MRAP2: variants seen among roughly 807,000 people sequenced by gnomAD.
MRAP2 encodes the protein melanocortin 2 receptor accessory protein 2.
Under a neutral mutation model 17.4 loss-of-function variants are expected in MRAP2, and 20 were observed. The observed-to-expected ratio is 1.15, with a 90% confidence interval of 0.81 to 1.67. The LOEUF (loss-of-function observed/expected upper bound fraction) is 1.67, where lower values mean the gene tolerates loss of function less well. Among genes scored for constraint, MRAP2 ranks in the 40% most tolerant of loss-of-function variants. MRAP2 has a pLI of 0.00. For missense variants in MRAP2, 238 were observed against 240.0 expected (o/e 0.99, Z 0.05); for synonymous variants, 96 against 88.4 (o/e 1.09, Z -0.48).
chr6:84,073,419 C>T (rs761812058), intron 3 of MRAP2, among the ~76,000 whole-genome samples: 1 of 152,194 alleles, frequency 6.6e-6, no homozygotes, highest in Non-Finnish European at 1.5e-5. Context: ...AGTTGGGGCA[C>T]CCACAGTATT....
At chr6:84,080,256 T>C (rs1001498726) in intron 3 of MRAP2, among the ~76,000 whole-genome samples, 2 of 152,044 alleles carry the variant, frequency 1.3e-5, no homozygotes, top group African/African-American at 4.8e-5. Flanking sequence ...CAGGATGGTC[T>C]GGATCTCCTG....
intron 3 of MRAP2, among the ~76,000 whole-genome samples, chr6:84,064,722 C>A (rs1044112221): frequency 6.6e-6 from 1 of 152,168 alleles, no homozygotes; most frequent in Non-Finnish European, 1.5e-5. Flanking sequence ...CTGCTGACTT[C>A]GTGATCCGCC....
At chr6:84,043,458 G>A (rs1031205665) in intron 1 of MRAP2, among the ~76,000 whole-genome samples, 3 of 152,194 alleles carry the variant, frequency 2.0e-5, no homozygotes, top group African/African-American at 4.8e-5. Context: ...GGGTAGACAG[G>A]AATCTGGAAA....
At chr6:84,081,426 G>C (rs1185172222) in intron 3 of MRAP2, among the ~76,000 whole-genome samples, 1 of 152,190 alleles carries the variant, frequency 6.6e-6, no homozygotes, top group East Asian at 1.9e-4. Context: ...ATTGTCATGG[G>C]AGGAACCTGG....
chr6:84,127,103 C>T, the MRAP2 span, among the ~76,000 whole-genome samples: 3 of 152,120 alleles, frequency 2.0e-5, no homozygotes, highest in African/African-American at 7.2e-5. Flanking sequence ...ATTAAAGACA[C>T]AGACCCCATC....
At chr6:84,033,197 T>C (rs2099485003), upstream of MRAP2, among the ~76,000 whole-genome samples, 1 of 152,204 alleles carries the variant, frequency 6.6e-6, no homozygotes, top group South Asian at 2.1e-4. Flanking sequence ...CAAGCACCTG[T>C]ATTCCCAGAT....
chr6:84,063,432 T>G (rs943257262), intron 3 of MRAP2: 2 of 983,328 alleles, frequency 2.0e-6, no homozygotes, highest in African/African-American at 3.5e-5. Flanking sequence ...GATACTCAAC[T>G]CAATTTAACT....
At chr6:84,125,466 T>TGTGTGTG in the MRAP2 span, among the ~76,000 whole-genome samples, 4 of 152,106 alleles carry the variant, frequency 2.6e-5, no homozygotes, top group African/African-American at 9.7e-5. Context: ...GACTAAATGT[T>TGTGTGTG]TGTGTCCCCC....
At chr6:84,139,495 T>C in the MRAP2 span, among the ~76,000 whole-genome samples, 2 of 152,162 alleles carry the variant, frequency 1.3e-5, no homozygotes, top group Admixed American at 1.3e-4. Context: ...GGAACTCACA[T>C]GGGTTGAGAA....
downstream of MRAP2, among the ~76,000 whole-genome samples, chr6:84,095,099 G>A (rs956545231): frequency 6.6e-6 from 1 of 152,212 alleles, no homozygotes; most frequent in Admixed American, 6.5e-5. Context: ...GTGTGGAGAA[G>A]CAAGGGCTCA....
At chr6:84,060,369 G>A (rs1045379109) in intron 2 of MRAP2, among the ~76,000 whole-genome samples, 1 of 152,120 alleles carries the variant, frequency 6.6e-6, no homozygotes, top group African/African-American at 2.4e-5. Context: ...GCTGGGTTGA[G>A]GGCACGCTTT....
At chr6:84,076,306 C>A (rs2099497593) in intron 3 of MRAP2, among the ~76,000 whole-genome samples, 1 of 151,808 alleles carries the variant, frequency 6.6e-6, no homozygotes, top group Admixed American at 6.6e-5. Context: ...TGACTGCAAC[C>A]TCCACCACCT....
At chr6:84,084,807 G>A (rs2099499860) in intron 3 of MRAP2, among the ~76,000 whole-genome samples, 1 of 151,804 alleles carries the variant, frequency 6.6e-6, no homozygotes, top group East Asian at 1.9e-4. Context: ...GTGGCCAGCT[G>A]GAGTCCCAGA....
chr6:84,125,651 G>A, the MRAP2 span, among the ~76,000 whole-genome samples: 11 of 151,978 alleles, frequency 7.2e-5, no homozygotes, highest in Non-Finnish European at 1.5e-4. Flanking sequence ...GTGATCTCTC[G>A]CCCCTCTTCC....
rs753179421 is a variant in MRAP2, at chr6:84,089,554, CA to C, written c.*77del. 6.7e-5 allele frequency: 101 copies of C among 1,505,026 alleles called. No individual in the cohort carries two copies. The highest frequency in any genetic ancestry group is 8.5e-5 in the Non-Finnish European group (95 of 1,111,910). The allele number at this position is 1,505,026 out of a possible 1,614,324, so 93.2% of individuals were successfully genotyped here. ...TATGTAGCAAGAAATCTACATCCAC[CA>C]AAATTGTGTGTGTTTGGGGGAGAGA... On this transcript the variant is annotated 3_prime_UTR_variant, in exon 4 of 4. Transcript: ENST00000257776.
At position 84,089,549 on chromosome 6, in the gene MRAP2, T is replaced by C. The variant is rs1451729459; in HGVS notation, c.*68T>C. 7.9e-6 allele frequency: 12 copies of C among 1,522,542 alleles called. No individual in the cohort carries two copies. Among genetic ancestry groups the C allele is most frequent in the Non-Finnish European group, 1.1e-5 (12 of 1,126,728 alleles). 94.3% of individuals were successfully genotyped at this position (1,522,542 alleles called of 1,614,324 possible). ...ATCTTTATGTAGCAAGAAATCTACA[T>C]CCACCAAAATTGTGTGTGTTTGGGG... On this transcript the variant is annotated 3_prime_UTR_variant, in exon 4 of 4. Coordinates refer to ENST00000257776, the MANE Select transcript of MRAP2 (RefSeq NM_138409.4).
intron 1 of MRAP2, among the ~76,000 whole-genome samples, chr6:84,034,579 C>A (rs9359581): frequency 6.7e-6 from 1 of 148,984 alleles, no homozygotes; most frequent in Non-Finnish European, 1.5e-5. Context: ...AAAGAGTAGT[C>A]TCTGCAGAAA....
At chr6:84,107,508 C>T in the MRAP2 span, among the ~76,000 whole-genome samples, 3 of 152,150 alleles carry the variant, frequency 2.0e-5, no homozygotes, top group Non-Finnish European at 4.4e-5. Flanking sequence ...ATCAGCATAA[C>T]ATTATTAATG....
the MRAP2 span, among the ~76,000 whole-genome samples, chr6:84,097,512 G>GTTAT: frequency 5.9e-5 from 9 of 152,118 alleles, no homozygotes; most frequent in Middle Eastern, 3.4e-3. Context: ...CTGGAAACAT[G>GTTAT]TTATTTATTC....
Sources: gnomAD v4.1 joint callset for allele counts (sites outside exome capture counted in the v4.1 genomes callset) on GRCh38, gnomAD v4.1.1 for gene constraint, MANE v1.5 for transcripts, NCBI Gene and HGNC (gene_info 2026-07-23, HGNC 2026-07-21) for gene names.